IMMP2L: variants seen among roughly 807,000 people sequenced by gnomAD.
IMMP2L encodes the protein mitochondrial inner membrane protease subunit 2.
Under a neutral mutation model 19.3 loss-of-function variants are expected in IMMP2L, and 18 were observed. That is an observed-to-expected ratio of 0.93 (90% confidence interval 0.64 to 1.38). The LOEUF (loss-of-function observed/expected upper bound fraction) is 1.38. Among genes scored for constraint, IMMP2L ranks in the 40% most tolerant of loss-of-function variants. The pLI is 0.00. For missense variants in IMMP2L, 233 were observed against 218.2 expected (o/e 1.07, Z -0.43); for synonymous variants, 76 against 73.0 (o/e 1.04, Z -0.21).
At chr7:111,477,632 C>T (rs1470297152) in intron 3 of IMMP2L, among the ~76,000 whole-genome samples, 1 of 152,124 alleles carries the variant, frequency 6.6e-6, no homozygotes, top group Non-Finnish European at 1.5e-5. Context: ...GACACAGTGG[C>T]TCATGCCTGT....
rs117616849 is a variant in IMMP2L, at chr7:111,370,968, T to C, written c.239+116270A>G. 2.1e-4 allele frequency among the ~76,000 whole-genome samples: 32 copies of C among 152,088 alleles called. 1 individual carries two copies. In the East Asian group the frequency reaches 5.0e-3, roughly 24 times the overall value. On this transcript the variant is annotated intron_variant, in intron 3 of 5. Coordinates refer to ENST00000405709, the MANE Select transcript of IMMP2L (RefSeq NM_032549.4). ...GCTATTTTATTATATAAGATTTTTA[T>C]TTGAGTTATATATCATCACTGTTTG... is the stretch of plus-strand genomic sequence containing the variant.
chr7:111,074,161 A>T (rs1045193206), intron 3 of IMMP2L, among the ~76,000 whole-genome samples: 1 of 152,222 alleles, frequency 6.6e-6, no homozygotes, highest in African/African-American at 2.4e-5. Flanking sequence ...TTTACAAATA[A>T]ATAAGGTCCA....
At chr7:111,367,129 T>C (rs1447079342) in intron 3 of IMMP2L, among the ~76,000 whole-genome samples, 4 of 151,816 alleles carry the variant, frequency 2.6e-5, no homozygotes, top group Admixed American at 2.0e-4. Context: ...TCGGTGACAC[T>C]TGTGGCTGTT....
At chr7:111,235,816 A>C (rs889779710) in intron 3 of IMMP2L, among the ~76,000 whole-genome samples, 7 of 151,952 alleles carry the variant, frequency 4.6e-5, no homozygotes, top group Non-Finnish European at 1.0e-4. Context: ...AATAACATGA[A>C]TACTGAGGCA....
At chr7:111,130,007 A>G (rs945146540) in intron 3 of IMMP2L, among the ~76,000 whole-genome samples, 2 of 152,184 alleles carry the variant, frequency 1.3e-5, no homozygotes, top group African/African-American at 4.8e-5. Context: ...AGTAGTATGC[A>G]TTTAGTATTC....
intron 3 of IMMP2L, among the ~76,000 whole-genome samples, chr7:111,143,741 C>T (rs1346188601): frequency 6.6e-6 from 1 of 152,114 alleles, no homozygotes; most frequent in African/African-American, 2.4e-5. Flanking sequence ...ACTGATCCTC[C>T]ATGAGGGCCA....
At position 111,016,848 on chromosome 7, in the gene IMMP2L, A is replaced by C. The variant is rs537044700; in HGVS notation, c.240-53283T>G. On this transcript the variant is annotated intron_variant, in intron 3 of 5. Transcript: ENST00000405709. Reference sequence around the variant, plus strand: ...TAATATATAGTATATATTATATATAATATATATTATATAATATATTACATA... The same window carrying C: ...TAATATATAGTATATATTATATATACTATATATTATATAATATATTACATA... Among the ~76,000 whole-genome samples the C allele has an allele frequency of 8.3e-3, 716 of 86,124 alleles. 14 individuals carry two copies. The highest frequency in any genetic ancestry group is 0.033 in the African/African-American group (678 of 20,454). 56.5% of individuals were successfully genotyped at this position (86,124 alleles called of 152,430 possible).
In IMMP2L at chr7:111,207,470, C is replaced by A. The variant is rs111506262; in HGVS notation, c.240-243905G>T. On this transcript the variant is annotated intron_variant, in intron 3 of 5. Transcript: ENST00000405709. Reference sequence around the variant, plus strand: ...AATACATCTTTAAAAATGTAAAAACCACCAATTAATTCCTAGCAAAGATAG... The same window carrying A: ...AATACATCTTTAAAAATGTAAAAACAACCAATTAATTCCTAGCAAAGATAG... Among the ~76,000 whole-genome samples the A allele has an allele frequency of 3.5e-3, 529 of 151,950 alleles. 1 individual carries two copies. Among genetic ancestry groups the A allele is most frequent in the African/African-American group, 0.012 (501 of 41,428 alleles).
intron 3 of IMMP2L, among the ~76,000 whole-genome samples, chr7:111,421,259 G>GTTTTTTT (rs1427366153): frequency 7.4e-6 from 1 of 134,928 alleles, no homozygotes. Flanking sequence ...GGGGTTGTTT[G>GTTTTTTT]TTTTTTTCTT....
intron 5 of IMMP2L, among the ~76,000 whole-genome samples, chr7:110,703,439 T>C (rs986355399): frequency 1.3e-5 from 2 of 152,238 alleles, no homozygotes; most frequent in South Asian, 4.1e-4. Context: ...AAGCCAATTC[T>C]TGGCTTATCA....
At chr7:110,732,141 T>G (rs1185452047) in intron 5 of IMMP2L, among the ~76,000 whole-genome samples, 1 of 152,048 alleles carries the variant, frequency 6.6e-6, no homozygotes, top group Non-Finnish European at 1.5e-5. Context: ...CTGGAGAGCA[T>G]GAAGAATTCA....
At chr7:110,715,886 GCTAT>G (rs1795205059) in intron 5 of IMMP2L, among the ~76,000 whole-genome samples, 1 of 152,032 alleles carries the variant, frequency 6.6e-6, no homozygotes, top group Non-Finnish European at 1.5e-5. Context: ...TTACTGAGTA[GCTAT>G]CTAAGTATTT....
At chr7:111,288,564 A>C (rs1212132580) in intron 3 of IMMP2L, among the ~76,000 whole-genome samples, 1 of 152,192 alleles carries the variant, frequency 6.6e-6, no homozygotes, top group East Asian at 1.9e-4. Flanking sequence ...CAAAGAACTT[A>C]AACAAATTTA....
chr7:110,907,295 G>C (rs1002901414), intron 4 of IMMP2L, among the ~76,000 whole-genome samples: 2 of 152,116 alleles, frequency 1.3e-5, no homozygotes, highest in Non-Finnish European at 2.9e-5. Flanking sequence ...CAGTGTAAAG[G>C]GGAGCTGAAA....
intron 3 of IMMP2L, among the ~76,000 whole-genome samples, chr7:111,075,211 C>T (rs1402247042): frequency 6.6e-6 from 1 of 150,480 alleles, no homozygotes; most frequent in African/African-American, 2.5e-5. Context: ...ACTGCAACCT[C>T]CACCTCCCGG....
chr7:111,296,160 G>A (rs2129834209), intron 3 of IMMP2L, among the ~76,000 whole-genome samples: 1 of 151,906 alleles, frequency 6.6e-6, no homozygotes, highest in East Asian at 1.9e-4. Flanking sequence ...ATATCAAGAT[G>A]TGAAGAACTC....
At chr7:110,859,934 T>A (rs1454039388) in intron 5 of IMMP2L, among the ~76,000 whole-genome samples, 1 of 152,110 alleles carries the variant, frequency 6.6e-6, no homozygotes, top group Non-Finnish European at 1.5e-5. Context: ...ATTGTACTTT[T>A]AAAACTTGTT....
At chr7:111,218,097 ATCT>A (rs1019829084) in intron 3 of IMMP2L, among the ~76,000 whole-genome samples, 3 of 150,938 alleles carry the variant, frequency 2.0e-5, no homozygotes, top group Admixed American at 6.6e-5. Context: ...AAATAATAAA[ATCT>A]TCTCTCTTTA....
At chr7:110,700,287 AC>A (rs1441722494) in intron 5 of IMMP2L, among the ~76,000 whole-genome samples, 2 of 152,066 alleles carry the variant, frequency 1.3e-5, no homozygotes, top group East Asian at 3.8e-4. Context: ...TGGTTTTTTC[AC>A]TTAATTGAAG....
Sources: gnomAD v4.1 joint callset for allele counts (sites outside exome capture counted in the v4.1 genomes callset) on GRCh38, gnomAD v4.1.1 for gene constraint, MANE v1.5 for transcripts, NCBI Gene and HGNC (gene_info 2026-07-23, HGNC 2026-07-21) for gene names.